The following MALRD1 variants were observed in gnomAD, a reference collection of about 807,000 sequenced individuals.
The protein encoded by MALRD1 is MAM and LDL receptor class A domain containing 1, also known as MAM and LDL-receptor class A domain-containing protein 1.
Under a neutral mutation model 242.1 loss-of-function variants are expected in MALRD1, and 247 were observed. The observed-to-expected ratio is 1.02, with a 90% CI of 0.92 to 1.13. The LOEUF (loss-of-function observed/expected upper bound fraction) is 1.13, where lower values mean the gene tolerates loss of function less well. Ranked by LOEUF, MALRD1 falls within the 50% of genes most tolerant of loss-of-function variation. The pLI, the probability that MALRD1 is intolerant of heterozygous loss-of-function variation, is 0.00. For synonymous variants in MALRD1, 995 were observed against 866.6 expected (o/e 1.15, Z -2.60); for missense variants, 2,989 against 2,533.1 (o/e 1.18, Z -3.86).
intron 21 of MALRD1, among the ~76,000 whole-genome samples, chr10:19,306,413 ATAGTATATATAGTGTCGTATATGTACC>A (rs1842207500): frequency 9.9e-6 from 1 of 101,000 alleles, no homozygotes; most frequent in Non-Finnish European, 2.1e-5. Flanking sequence ...TGTACCGTGT[ATAGTATATATAGTGTCGTATATGTACC>A]GTGTATAGTA....
At chr10:19,438,911 C>T (rs2483084) in intron 28 of MALRD1, among the ~76,000 whole-genome samples, 108,690 of 151,902 alleles carry the variant, frequency 0.72, 39,019 homozygotes, top group Non-Finnish European at 0.75. Flanking sequence ...TCATTGCCTG[C>T]AGCATGGGTA....
intron 18 of MALRD1, among the ~76,000 whole-genome samples, chr10:19,248,842 G>A (rs930664686): frequency 2.7e-5 from 4 of 149,972 alleles, no homozygotes; most frequent in Non-Finnish European, 5.9e-5. Flanking sequence ...AAAATATGTT[G>A]TAAGACTGGC....
At chr10:19,232,968 T>C (rs1838149223) in intron 18 of MALRD1, among the ~76,000 whole-genome samples, 2 of 152,192 alleles carry the variant, frequency 1.3e-5, no homozygotes, top group Admixed American at 1.3e-4. Context: ...TTCTTTCTGC[T>C]AGATCCCAGG....
chr10:19,182,575 C>G (rs1835557958), intron 14 of MALRD1, among the ~76,000 whole-genome samples: 1 of 151,948 alleles, frequency 6.6e-6, no homozygotes. Context: ...CGTAATCCGT[C>G]CGCCTCAGCC....
chr10:19,626,907 T>G (rs1839679705), intron 36 of MALRD1, among the ~76,000 whole-genome samples: 1 of 152,220 alleles, frequency 6.6e-6, no homozygotes, highest in Admixed American at 6.5e-5. Flanking sequence ...AAATAAAACT[T>G]AAAGCCAAAA....
At chr10:19,347,681 A>T in intron 24 of MALRD1, 90 bp from the exon 25 acceptor site, 1 of 1,405,208 alleles carries the variant, frequency 7.1e-7, no homozygotes, top group South Asian at 1.4e-5. Flanking sequence ...ATATTACATG[A>T]TACAGCAAGA....
chr10:19,094,648 C>T (rs1835954106), intron 4 of MALRD1, among the ~76,000 whole-genome samples: 1 of 152,146 alleles, frequency 6.6e-6, no homozygotes, highest in Non-Finnish European at 1.5e-5. Flanking sequence ...TTTCTTTTTC[C>T]TTCCAGACTT....
At chr10:19,389,902 T>C (rs1846264087) in intron 28 of MALRD1, among the ~76,000 whole-genome samples, 1 of 152,158 alleles carries the variant, frequency 6.6e-6, no homozygotes, top group African/African-American at 2.4e-5. Flanking sequence ...GCTCAAGCAA[T>C]CCTCCCACTT....
chr10:19,417,031 G>A (rs776610338), intron 28 of MALRD1, among the ~76,000 whole-genome samples: 4 of 152,132 alleles, frequency 2.6e-5, no homozygotes, highest in Non-Finnish European at 4.4e-5. Flanking sequence ...GCCCTTCTTG[G>A]AAGCCCTTTC....
intron 34 of MALRD1, among the ~76,000 whole-genome samples, chr10:19,600,707 C>A (rs189262128): frequency 5.3e-5 from 8 of 152,126 alleles, no homozygotes; most frequent in Admixed American, 1.3e-4. Context: ...CAACGATAAT[C>A]GATTAAGAAA....
chr10:19,492,027 T>C (rs1212947893), intron 30 of MALRD1, among the ~76,000 whole-genome samples: 2 of 151,870 alleles, frequency 1.3e-5, no homozygotes, highest in Non-Finnish European at 2.9e-5. Context: ...AAATTGTTGA[T>C]TTTGTATATG....
intron 13 of MALRD1, among the ~76,000 whole-genome samples, chr10:19,169,540 C>G (rs902895280): frequency 6.6e-6 from 1 of 151,996 alleles, no homozygotes; most frequent in African/African-American, 2.4e-5. Context: ...TATGAAGATG[C>G]AACTTTTGTC....
chr10:19,445,419 C>A (rs77937345), intron 28 of MALRD1, among the ~76,000 whole-genome samples: 1 of 152,192 alleles, frequency 6.6e-6, no homozygotes, highest in Non-Finnish European at 1.5e-5. Context: ...AGCTTTTCTG[C>A]TCTGGTTTCT....
intron 21 of MALRD1, among the ~76,000 whole-genome samples, chr10:19,316,541 G>A (rs1296394656): frequency 6.6e-6 from 1 of 151,764 alleles, no homozygotes; most frequent in Non-Finnish European, 1.5e-5. Flanking sequence ...ACATGTTTAC[G>A]AAGCCCACTT....
intron 18 of MALRD1, among the ~76,000 whole-genome samples, chr10:19,211,317 T>A (rs924361881): frequency 1.3e-5 from 2 of 151,782 alleles, no homozygotes; most frequent in African/African-American, 4.8e-5. Context: ...CTCCTTTTAG[T>A]CTAAAAAAAT....
At chr10:19,386,689 G>GAT (rs1382697351) in intron 26 of MALRD1, among the ~76,000 whole-genome samples, 4 of 144,884 alleles carry the variant, frequency 2.8e-5, no homozygotes, top group Admixed American at 7.1e-5. Context: ...TGGTGAGATA[G>GAT]ATATATATAC....
chr10:19,140,535 GTGTGTGTA>G (rs1252827009), intron 10 of MALRD1, among the ~76,000 whole-genome samples: 238 of 105,244 alleles, frequency 2.3e-3, no homozygotes, highest in Middle Eastern at 0.013. Flanking sequence ...GGGTGTGTGT[GTGTGTGTA>G]TGTGTGTGTG....
intron 32 of MALRD1, among the ~76,000 whole-genome samples, chr10:19,538,857 G>A (rs558353074): frequency 6.6e-5 from 10 of 151,884 alleles, no homozygotes; most frequent in Middle Eastern, 6.8e-3. Flanking sequence ...ATGGGATTCC[G>A]GAAACCGATA....
chr10:19,526,350 AT>A (rs1834098600), intron 31 of MALRD1, among the ~76,000 whole-genome samples: 1 of 42,900 alleles, frequency 2.3e-5, no homozygotes, highest in Non-Finnish European at 7.4e-5. Flanking sequence ...CATCTTTATG[AT>A]TCTCCAAAAA....
Sources: gnomAD v4.1 joint callset for allele counts (sites outside exome capture counted in the v4.1 genomes callset) on GRCh38, gnomAD v4.1.1 for gene constraint, MANE v1.5 for transcripts, NCBI Gene and HGNC (gene_info 2026-07-23, HGNC 2026-07-21) for gene names.